The following ABCC4 variants were observed in gnomAD, a reference collection of about 807,000 sequenced individuals.
ABCC4 encodes the protein ATP binding cassette subfamily C member 4 (PEL blood group), also known as ATP-binding cassette sub-family C member 4.
In ABCC4, 102 loss-of-function variants were observed where a neutral mutation model predicts 168.5. The ratio of observed to expected loss-of-function variants is 0.61; its 90% confidence interval spans 0.52 to 0.71. The LOEUF is 0.71. Ranked by LOEUF, ABCC4 falls within the 30% of genes least tolerant of loss-of-function variation. The pLI is 0.00. For synonymous variants in ABCC4, 617 were observed against 590.7 expected, an observed-to-expected ratio of 1.04 and a Z score of -0.65; for missense variants, 1,402 against 1,605.8, an observed-to-expected ratio of 0.87 and a Z score of 2.17.
intron 20 of ABCC4, among the ~76,000 whole-genome samples, chr13:95,115,484 AC>A (rs1265901434): frequency 7.4e-6 from 1 of 134,388 alleles, no homozygotes; most frequent in Non-Finnish European, 1.6e-5. Flanking sequence ...TTTGTAAGTA[AC>A]CACACCTGGT....
intron 30 of ABCC4, among the ~76,000 whole-genome samples, chr13:95,030,081 T>G (rs1376341112): frequency 6.6e-6 from 1 of 152,118 alleles, no homozygotes; most frequent in Admixed American, 6.6e-5. Context: ...AGTGCAGTCG[T>G]GTGACGTAGG....
chr13:95,274,422 C>A (rs941891286), intron 1 of ABCC4, among the ~76,000 whole-genome samples: 1 of 152,156 alleles, frequency 6.6e-6, no homozygotes, highest in Non-Finnish European at 1.5e-5. Flanking sequence ...CTAGCCTGTC[C>A]ACCCCAGGAA....
At chr13:95,192,755 C>G (rs1026803339) in intron 9 of ABCC4, among the ~76,000 whole-genome samples, 1 of 152,142 alleles carries the variant, frequency 6.6e-6, no homozygotes, top group Non-Finnish European at 1.5e-5. Flanking sequence ...CCTGTCTCTA[C>G]TAAAAATACA....
At chr13:95,045,427 T>C (rs2032535117) in intron 27 of ABCC4, among the ~76,000 whole-genome samples, 1 of 152,178 alleles carries the variant, frequency 6.6e-6, no homozygotes, top group Non-Finnish European at 1.5e-5. Flanking sequence ...AGGAGCTTAT[T>C]CTTGGGCTGG....
At chr13:95,123,876 C>T (rs2035662025) in intron 19 of ABCC4, among the ~76,000 whole-genome samples, 1 of 152,172 alleles carries the variant, frequency 6.6e-6, no homozygotes, top group Non-Finnish European at 1.5e-5. Flanking sequence ...CGGGGTCAGC[C>T]CTCATGGGAA....
At chr13:95,063,690 G>A (rs928465890) in intron 25 of ABCC4, among the ~76,000 whole-genome samples, 1 of 152,192 alleles carries the variant, frequency 6.6e-6, no homozygotes, top group Non-Finnish European at 1.5e-5. Context: ...CTCTATTAAA[G>A]CCAAGACAGA....
At chr13:95,100,711 T>C (rs2034769795) in intron 20 of ABCC4, among the ~76,000 whole-genome samples, 1 of 146,572 alleles carries the variant, frequency 6.8e-6, no homozygotes. Flanking sequence ...TAAAACTCTT[T>C]TGTTGACTTT....
At chr13:95,247,854 A>C in intron 1 of ABCC4, 101 bp from the exon 2 acceptor site, 1 of 780,596 alleles carries the variant, frequency 1.3e-6, no homozygotes, top group Non-Finnish European at 2.2e-6. Flanking sequence ...TTTAAAATAC[A>C]TACAGCTATA....
intron 8 of ABCC4, among the ~76,000 whole-genome samples, chr13:95,205,975 A>G (rs2038767808): frequency 6.6e-6 from 1 of 152,248 alleles, no homozygotes; most frequent in Non-Finnish European, 1.5e-5. Context: ...CATCAACAGT[A>G]AGAAAAAAGT....
At chr13:95,188,665 T>C in intron 9 of ABCC4, 123 bp from the exon 10 acceptor site, 1 of 751,640 alleles carries the variant, frequency 1.3e-6, no homozygotes, top group Non-Finnish European at 2.1e-6. Flanking sequence ...TTCTCCTTCC[T>C]ATTTTAAGAT....
chr13:95,140,641 A>G (rs1469623633), intron 19 of ABCC4, among the ~76,000 whole-genome samples: 1 of 152,244 alleles, frequency 6.6e-6, no homozygotes, highest in Non-Finnish European at 1.5e-5. Flanking sequence ...AGAAAACATC[A>G]GAAATTCTTT....
rs139097120 is a variant in ABCC4, at chr13:95,234,691, T to G, written c.450A>C (p.Ile150=). Residue 150 remains isoleucine (I), a synonymous_variant, in exon 4 of 31, where the codon ATA becomes ATC. Coordinates refer to ENST00000645237, the MANE Select transcript of ABCC4 (RefSeq NM_005845.5). The part of the protein sequence containing the change: ...VLTFCTLILA[I]LHHLYFYHVQ... ...CGTGATAAAAATATAAGTGATGCAG[T>G]ATAGCCAAAATGAGCGTGCAAAAAG... 68 of 1,614,024 alleles carry G rather than the reference T, an allele frequency of 4.2e-5. No homozygotes were observed. The African/African-American group carries it at 8.1e-4, about 19-fold the overall frequency.
intron 13 of ABCC4, among the ~76,000 whole-genome samples, chr13:95,176,277 G>T (rs1189691053): frequency 2.4e-5 from 3 of 126,208 alleles, no homozygotes; most frequent in Non-Finnish European, 4.9e-5. Flanking sequence ...TTCGAGACCA[G>T]CCTGGGCAAC....
intron 19 of ABCC4, among the ~76,000 whole-genome samples, chr13:95,145,371 C>T (rs2036456582): frequency 1.3e-5 from 2 of 151,836 alleles, no homozygotes; most frequent in Admixed American, 6.6e-5. Context: ...AATCACAACA[C>T]TTTGGGAGGC....
intron 19 of ABCC4, among the ~76,000 whole-genome samples, chr13:95,130,150 T>C (rs2035912473): frequency 6.6e-6 from 1 of 152,126 alleles, no homozygotes; most frequent in Admixed American, 6.6e-5. Context: ...TGACTTTGCT[T>C]ATACCTTGAA....
intron 4 of ABCC4, among the ~76,000 whole-genome samples, chr13:95,233,969 C>T (rs373133352): frequency 6.6e-6 from 1 of 152,132 alleles, no homozygotes; most frequent in East Asian, 1.9e-4. Flanking sequence ...TTAAAAACAA[C>T]CACAACTAGA....
chr13:95,249,841 G>A (rs1017614895), intron 1 of ABCC4, among the ~76,000 whole-genome samples: 1 of 152,190 alleles, frequency 6.6e-6, no homozygotes, highest in Non-Finnish European at 1.5e-5. Context: ...AGGAAAGTGA[G>A]AATGGTAACT....
At chr13:95,157,222 C>T (rs1449510963) in intron 19 of ABCC4, among the ~76,000 whole-genome samples, 1 of 151,982 alleles carries the variant, frequency 6.6e-6, no homozygotes. Context: ...GCAGACAGAG[C>T]ATGGTTGCCC....
At chr13:95,281,059 GC>G (rs2041109255) in intron 1 of ABCC4, among the ~76,000 whole-genome samples, 1 of 151,870 alleles carries the variant, frequency 6.6e-6, no homozygotes, top group Non-Finnish European at 1.5e-5. Context: ...TTTCCCAAAA[GC>G]CAGATAGTTC....
Sources: gnomAD v4.1 joint callset for allele counts (sites outside exome capture counted in the v4.1 genomes callset) on GRCh38, gnomAD v4.1.1 for gene constraint, MANE v1.5 for transcripts, NCBI Gene and HGNC (gene_info 2026-07-23, HGNC 2026-07-21) for gene names.